The following TAF1B variants were observed in gnomAD, a reference collection of about 807,000 sequenced individuals.
The protein encoded by TAF1B is TATA box-binding protein-associated factor RNA polymerase I subunit B.
A neutral mutation model predicts 83.9 loss-of-function variants in TAF1B; 61 were observed. The observed-to-expected ratio is 0.73, with a 90% confidence interval of 0.59 to 0.90. The LOEUF (loss-of-function observed/expected upper bound fraction) is 0.90. Among genes scored for constraint, TAF1B ranks in the 40% least tolerant of loss-of-function variants. The probability of loss-of-function intolerance (pLI) is 0.00; values close to 1 mark genes in which losing one functional copy is unlikely to be tolerated. For synonymous variants in TAF1B, 221 were observed against 224.6 expected (o/e 0.98, Z 0.14); for missense variants, 625 against 677.0 (o/e 0.92, Z 0.85).
chr2:9,910,092 A>G (rs931418334), intron 9 of TAF1B, among the ~76,000 whole-genome samples: 1 of 152,220 alleles, frequency 6.6e-6, no homozygotes, highest in Non-Finnish European at 1.5e-5. Context: ...TTTAGTTTTC[A>G]AAGTCTATTC....
chr2:9,885,461 A>G (rs1156411865), intron 8 of TAF1B, among the ~76,000 whole-genome samples: 4 of 152,328 alleles, frequency 2.6e-5, no homozygotes, highest in Non-Finnish European at 4.4e-5. Context: ...TTTGAATGTG[A>G]GTCATTATGA....
chr2:9,907,543 C>A (rs1367387), intron 9 of TAF1B, among the ~76,000 whole-genome samples: 1 of 151,752 alleles, frequency 6.6e-6, no homozygotes, highest in Non-Finnish European at 1.5e-5. Flanking sequence ...TCGGGGAAAG[C>A]TTTCGGCAAG....
chr2:9,890,265 C>A (rs1664828612), intron 8 of TAF1B, among the ~76,000 whole-genome samples: 1 of 152,038 alleles, frequency 6.6e-6, no homozygotes, highest in African/African-American at 2.4e-5. Context: ...ATGCTTGAAC[C>A]TGTTCTTTCA....
intron 5 of TAF1B, among the ~76,000 whole-genome samples, chr2:9,866,623 A>T (rs1558238811): frequency 6.6e-6 from 1 of 152,240 alleles, no homozygotes; most frequent in Non-Finnish European, 1.5e-5. Context: ...GCTGCTATAA[A>T]GACACATGCA....
Position 9,898,766 on chromosome 2 carries a change from G to T in TAF1B, c.808-6093G>T, listed in dbSNP as rs536009286. Among the ~76,000 whole-genome samples the T allele has an allele frequency of 2.0e-4, 31 of 152,114 alleles. No individual in the cohort carries two copies. The South Asian group carries it at 6.4e-3, about 32-fold the overall frequency. ...TCCCCCAAAAGTGTATTTATAAGAG[G>T]TTTCGTGTAAGATAAAAGTAGATAT... On this transcript the variant is annotated intron_variant, in intron 8 of 14. Transcript: ENST00000263663.
intron 8 of TAF1B, among the ~76,000 whole-genome samples, chr2:9,901,664 A>T (rs1665181594): frequency 6.6e-6 from 1 of 152,170 alleles, no homozygotes; most frequent in Admixed American, 6.5e-5. Context: ...AGATTGCTGT[A>T]AATCTTATTA....
chr2:9,907,830 TC>T (rs1157461965), intron 9 of TAF1B, among the ~76,000 whole-genome samples: 1 of 152,028 alleles, frequency 6.6e-6, no homozygotes, highest in Non-Finnish European at 1.5e-5. Context: ...TTAGGGCAGT[TC>T]AGGGACACTC....
At chr2:9,900,325 G>A (rs1665144577) in intron 8 of TAF1B, among the ~76,000 whole-genome samples, 2 of 152,160 alleles carry the variant, frequency 1.3e-5, no homozygotes, top group Admixed American at 1.3e-4. Context: ...CATGACCCTA[G>A]GAGTTCAAGA....
At chr2:9,911,015 A>G in intron 10 of TAF1B, 102 bp downstream of exon 10, 1 of 1,152,044 alleles carries the variant, frequency 8.7e-7, no homozygotes, top group Non-Finnish European at 1.2e-6. Flanking sequence ...AAAAAGAGCT[A>G]AAGAAAAAAT....
At chr2:9,875,287 C>G (rs956238903) in intron 6 of TAF1B, among the ~76,000 whole-genome samples, 1 of 152,120 alleles carries the variant, frequency 6.6e-6, no homozygotes, top group Admixed American at 6.6e-5. Flanking sequence ...AGAATCCTGT[C>G]CCATCCCACT....
At chr2:9,892,512 T>C (rs1052378081) in intron 8 of TAF1B, among the ~76,000 whole-genome samples, 3 of 152,232 alleles carry the variant, frequency 2.0e-5, no homozygotes, top group African/African-American at 7.2e-5. Context: ...CCTTAGATTC[T>C]TCATATAAGT....
At chr2:9,902,086 G>A (rs377235730) in intron 8 of TAF1B, among the ~76,000 whole-genome samples, 3 of 152,038 alleles carry the variant, frequency 2.0e-5, no homozygotes, top group African/African-American at 7.2e-5. Context: ...TTAGCTTCAG[G>A]CAAAGTAAAA....
Position 9,868,455 on chromosome 2 carries a change from G to A in TAF1B, c.553+26G>A, listed in dbSNP as rs557282671. ...GTAAAAATGAGAACCAAACCATTTC[G>A]AATTTTAAAGCTGTTATGCCCCTTA... On this transcript the variant is annotated intron_variant, in intron 6 of 14. Coordinates refer to ENST00000263663, the MANE Select transcript of TAF1B (RefSeq NM_005680.3). 1.6e-5 allele frequency: 26 copies of A among 1,592,800 alleles called. No individual in the cohort carries two copies. In the African/African-American group the frequency reaches 1.8e-4, roughly 11 times the overall value.
At position 9,849,460 on chromosome 2, in the gene TAF1B, G is replaced by A. The variant is rs553152964; in HGVS notation, c.205G>A (p.Glu69Lys). ...NRGLKKKNNT[E>K]KGWDWYVCEG... ...GGGGCTTAAAAAAAAAAACAATACT[G>A]GTAAGTTCTTTCTTCATATGTACTT... The change falls in exon 3 of 15, where the codon GAA becomes AAA. Residue 69 changes from glutamate to lysine, a missense_variant and splice_region_variant. Transcript: ENST00000263663. The A allele has an allele frequency of 5.2e-6, 8 of 1,539,400 alleles. No individual in the cohort carries two copies. The South Asian group carries it at 9.8e-5, about 19-fold the overall frequency.
At chr2:9,890,534 C>A (rs1217937516) in intron 8 of TAF1B, among the ~76,000 whole-genome samples, 1 of 152,040 alleles carries the variant, frequency 6.6e-6, no homozygotes, top group African/African-American at 2.4e-5. Flanking sequence ...CTAATCTGAT[C>A]TTTACTTAAA....
intron 14 of TAF1B, among the ~76,000 whole-genome samples, chr2:9,927,625 T>C (rs1455392042): frequency 6.6e-6 from 1 of 152,148 alleles, no homozygotes; most frequent in Non-Finnish European, 1.5e-5. Flanking sequence ...TGGCCAGTGA[T>C]GATGAGCATT....
intron 2 of TAF1B, among the ~76,000 whole-genome samples, chr2:9,846,756 GAT>G (rs1403473231): frequency 6.6e-6 from 1 of 152,190 alleles, no homozygotes; most frequent in Non-Finnish European, 1.5e-5. Context: ...ATATTAAAAA[GAT>G]ATGTGCTCAC....
intron 12 of TAF1B, among the ~76,000 whole-genome samples, chr2:9,916,834 G>GTTGTTTTTTTTTTTTTTTTTTT (rs1572282272): frequency 2.2e-5 from 1 of 44,848 alleles, no homozygotes; most frequent in Admixed American, 3.6e-4. Context: ...TTTCCTTTCT[G>GTTGTTTTTTTTTTTTTTTTTTT]TTCTTTTTTT....
intron 5 of TAF1B, among the ~76,000 whole-genome samples, chr2:9,862,913 C>T (rs1003368138): frequency 2.0e-4 from 31 of 152,038 alleles, no homozygotes; most frequent in Non-Finnish European, 4.6e-4. Flanking sequence ...TTGTCACCAC[C>T]AGGCCTGCCC....
Sources: gnomAD v4.1 joint callset for allele counts (sites outside exome capture counted in the v4.1 genomes callset) on GRCh38, gnomAD v4.1.1 for gene constraint, MANE v1.5 for transcripts, NCBI Gene and HGNC (gene_info 2026-07-23, HGNC 2026-07-21) for gene names.